PYROXD1: variants seen among roughly 807,000 people sequenced by gnomAD.
The protein encoded by PYROXD1 is pyridine nucleotide-disulphide oxidoreductase domain 1, also known as tRNA ligase complex-associated NAD(P)H dehydrogenase PYROXD1.
PYROXD1 carries 42 observed loss-of-function variants against 62.0 expected under a neutral mutation model. The ratio of observed to expected loss-of-function variants is 0.68; its 90% confidence interval spans 0.53 to 0.88. PYROXD1 has a LOEUF of 0.88. Among genes scored for constraint, PYROXD1 ranks in the 40% least tolerant of loss-of-function variants. The probability of loss-of-function intolerance (pLI) is 0.00; values close to 1 mark genes in which losing one functional copy is unlikely to be tolerated. For synonymous variants in PYROXD1, 170 were observed against 206.4 expected (o/e 0.82, Z 1.51); for missense variants, 493 against 604.8 (o/e 0.82, Z 1.94).
chr12:21,441,051 C>T (rs1223138952), intron 2 of PYROXD1, among the ~76,000 whole-genome samples: 1 of 152,148 alleles, frequency 6.6e-6, no homozygotes, highest in African/African-American at 2.4e-5. Context: ...GAGATGGAGT[C>T]TCACCCTGTT....
chr12:21,446,187 G>T (rs1441695657), intron 3 of PYROXD1, among the ~76,000 whole-genome samples: 12 of 152,188 alleles, frequency 7.9e-5, no homozygotes, highest in Admixed American at 7.9e-4. Context: ...ACTTTGGGAG[G>T]CTGAGGCAGG....
chr12:21,445,628 T>G (rs1024061408), intron 3 of PYROXD1, among the ~76,000 whole-genome samples, 162 bp downstream of exon 3: 1 of 152,192 alleles, frequency 6.6e-6, no homozygotes, highest in African/African-American at 2.4e-5. Context: ...ATACAGTTTT[T>G]GTAAGTTTAT....
intron 10 of PYROXD1, among the ~76,000 whole-genome samples, chr12:21,465,427 T>C (rs1328183761): frequency 6.6e-6 from 1 of 152,268 alleles, no homozygotes; most frequent in Non-Finnish European, 1.5e-5. Context: ...CCAGTGATGA[T>C]GAGCATTTTT....
chr12:21,440,315 C>T, intron 1 of PYROXD1, 53 bp from the exon 2 acceptor site: 2 of 979,360 alleles, frequency 2.0e-6, no homozygotes, highest in Non-Finnish European at 1.6e-6. Flanking sequence ...ACCATATATA[C>T]CAGTACTTAA....
chr12:21,444,534 T>A (rs539600905), intron 2 of PYROXD1, among the ~76,000 whole-genome samples: 5 of 152,350 alleles, frequency 3.3e-5, no homozygotes, highest in African/African-American at 1.2e-4. Context: ...GAAAAAAGAT[T>A]ACTGCTAATA....
At chr12:21,445,626 T>G (rs1942372447) in intron 3 of PYROXD1, among the ~76,000 whole-genome samples, 160 bp downstream of exon 3, 1 of 152,192 alleles carries the variant, frequency 6.6e-6, no homozygotes, top group Non-Finnish European at 1.5e-5. Flanking sequence ...AAATACAGTT[T>G]TTGTAAGTTT....
At chr12:21,455,047 C>G in intron 5 of PYROXD1, 85 bp from the exon 6 acceptor site, 1 of 698,070 alleles carries the variant, frequency 1.4e-6, no homozygotes, top group Non-Finnish European at 2.1e-6. Flanking sequence ...CCTACTTTTG[C>G]TTCAGGAGAT....
At position 21,470,891 on chromosome 12, in the gene PYROXD1, G is replaced by A. The variant is rs1453725296; in HGVS notation, c.*2137G>A. ...TTCTCATGTTCAACTGGACCTAGGG[G>A]AATATGACAGAAAAGCATCCCATAG... On this transcript the variant is annotated 3_prime_UTR_variant, in exon 12 of 12. Transcript: ENST00000240651. 8 of 1,047,340 alleles carry A rather than the reference G, an allele frequency of 7.6e-6. No individual in the cohort carries two copies. The highest frequency in any genetic ancestry group is 1.0e-5 in the Non-Finnish European group (8 of 791,938). 64.9% of individuals were successfully genotyped at this position (1,047,340 alleles called of 1,614,324 possible). A position where few individuals can be genotyped will look rare whatever the true frequency, so the allele number is the denominator to read the frequency against.
Position 21,449,586 on chromosome 12 carries a change from T to A in PYROXD1, c.309T>A (p.Asn103Lys). ...EEHCIVTEDG[N>K]QHVYKKLCLC... ...AGTGCATTGTAACAGAAGATGGCAA[T>A]CAGCACGTATATAAGAAACTCTGTC... Residue 103 changes from asparagine (N) to lysine (K), a missense_variant, in exon 4 of 12, where the codon AAT (asparagine) becomes AAA (lysine). Physicochemically the swap from Asn to Lys is moderately conservative, Grantham distance 94. This residue lies in a region of PYROXD1 where 164 missense variants were observed against 158.2 expected (regional missense o/e 1.04). Coordinates refer to ENST00000240651, the MANE Select transcript of PYROXD1 (RefSeq NM_024854.5). 6.2e-7 allele frequency: 1 copy of A among 1,612,962 alleles called. No individual in the cohort carries two copies. The highest frequency in any genetic ancestry group is 8.5e-7 in the Non-Finnish European group (1 of 1,179,504).
intron 10 of PYROXD1, 35 bp from the exon 11 acceptor site, chr12:21,467,446 A>G (rs764070873): frequency 3.2e-6 from 5 of 1,566,732 alleles, no homozygotes; most frequent in Non-Finnish European, 4.3e-6. Flanking sequence ...TGATCATGAA[A>G]AATGACATTG....
chr12:21,448,019 G>A (rs10770811), intron 3 of PYROXD1: 435,360 of 437,272 alleles, frequency 1, 216,769 homozygotes, highest in East Asian at 1. Context: ...TTGATAGCAC[G>A]TGTGAAGGTA....
At chr12:21,440,476 A>C (rs760151855) in intron 2 of PYROXD1, 28 bp downstream of exon 2, 5 of 1,298,138 alleles carry the variant, frequency 3.9e-6, no homozygotes, top group Non-Finnish European at 5.4e-6. Context: ...ACTTGTTAAT[A>C]TTAATTTGAA....
intron 4 of PYROXD1, among the ~76,000 whole-genome samples, 167 bp downstream of exon 4, chr12:21,449,858 C>CTT (rs71537701): frequency 5.4e-5 from 8 of 147,368 alleles, no homozygotes; most frequent in Admixed American, 6.8e-5. Context: ...AATTTTCTTT[C>CTT]TTTTTTTTTT....
At chr12:21,440,562 A>G in intron 2 of PYROXD1, 114 bp downstream of exon 2, 1 of 620,842 alleles carries the variant, frequency 1.6e-6, no homozygotes. Flanking sequence ...AAGTACAGTT[A>G]TATGCTGTAC....
rs1401245949 is a variant in PYROXD1, at chr12:21,467,533, TG to T, written c.1171del (p.Ala391LeufsTer21). 1 of 1,612,174 alleles carries T rather than the reference TG, an allele frequency of 6.2e-7. No individual in the cohort carries two copies. The highest frequency in any genetic ancestry group is 1.3e-5 in the African/African-American group (1 of 74,796). ...ATGGGATGGTATGCAGCAAAGTGCA[TG>T]GCTGCAGCGAGTTCAGGAGACTCTA... ...RQMGWYAAKC[M>X]AAASSGDSID... On this transcript the variant is annotated frameshift_variant, in exon 11 of 12. Coordinates refer to ENST00000240651, the MANE Select transcript of PYROXD1 (RefSeq NM_024854.5). LOFTEE classifies it high-confidence loss of function.
intron 2 of PYROXD1, 102 bp from the exon 3 acceptor site, chr12:21,445,245 A>G: frequency 8.1e-7 from 1 of 1,234,902 alleles, no homozygotes. Flanking sequence ...TTTGTTTTAT[A>G]AACACAAAAT....
In PYROXD1 at chr12:21,468,659, A is replaced by G. The variant is rs1279762069; in HGVS notation, c.1408A>G (p.Thr470Ala). 1.2e-6 allele frequency: 2 copies of G among 1,612,700 alleles called. No individual in the cohort carries two copies. The highest frequency in any genetic ancestry group is 3.3e-5 in the Admixed American group (2 of 59,794). ...AATTGGTGAAACCGATTTAGAAGAA[A>G]CATTTGAAAACCTAATCTTAAACCA... The part of the protein sequence containing the change: ...VLIGETDLEE[T>A]FENLILNQMN... Residue 470 changes from threonine (T) to alanine (A), a missense_variant, in exon 12 of 12, where the codon ACA becomes GCA. Transcript: ENST00000240651.
rs761773267 is a variant in PYROXD1, at chr12:21,449,658, T to C, written c.381T>C (p.Tyr127=). The change falls in exon 4 of 12, where the codon TAT becomes TAC. Residue 127 remains tyrosine (Y), a synonymous_variant. Coordinates refer to ENST00000240651, the MANE Select transcript of PYROXD1 (RefSeq NM_024854.5). ...KPKLICEGNP[Y]VLGIRDTDSA... ...AGTTGATATGTGAAGGAAATCCTTA[T>C]GTATTAGGAATCCGTGATACAGACA... 8 of 1,613,350 alleles carry C rather than the reference T, an allele frequency of 5.0e-6. No homozygotes were observed. The Admixed American group carries it at 6.7e-5, about 13-fold the overall frequency.
At chr12:21,445,553 C>A (rs1282814905) in intron 3 of PYROXD1, 87 bp downstream of exon 3, 6 of 1,284,786 alleles carry the variant, frequency 4.7e-6, no homozygotes, top group Non-Finnish European at 5.1e-6. Flanking sequence ...GCTCTACTAC[C>A]ACCACCATTT....
Sources: allele counts gnomAD v4.1 joint callset (sites outside exome capture counted in the v4.1 genomes callset), GRCh38; gene constraint gnomAD v4.1.1; regional missense constraint gnomAD v4.1.1; transcripts MANE v1.5; gene names NCBI Gene and HGNC (gene_info 2026-07-23, HGNC 2026-07-21).